ITGA2: variants seen among roughly 807,000 people sequenced by gnomAD.
The protein encoded by ITGA2 is integrin alpha-2.
Under a neutral mutation model 146.3 loss-of-function variants are expected in ITGA2, and 101 were observed. The ratio of observed to expected loss-of-function variants is 0.69; its 90% CI spans 0.59 to 0.81. ITGA2 has a LOEUF of 0.81. Among genes scored for constraint, ITGA2 ranks in the 40% least tolerant of loss-of-function variants. ITGA2 has a pLI of 0.00. For synonymous variants in ITGA2, 477 were observed against 487.1 expected, an observed-to-expected ratio of 0.98 and a Z score of 0.27; for missense variants, 1,281 against 1,402.7, an observed-to-expected ratio of 0.91 and a Z score of 1.39.
Position 53,091,972 on chromosome 5 carries a change from C to A in ITGA2, c.*1373C>A, listed in dbSNP as rs1036646813. 16 of 152,146 alleles carry A rather than the reference C, an allele frequency of 1.1e-4. No homozygotes were observed. Among genetic ancestry groups the A allele is most frequent in the African/African-American group, 3.9e-4 (16 of 41,430 alleles). 9.4% of individuals were successfully genotyped at this position (152,146 alleles called of 1,614,324 possible). Reference sequence around the variant, plus strand: ...TAAACTTCCACAAGAGTGAATTTGACCTAGGCAAGTTTGTTCAAAAGGTAG... The same window carrying A: ...TAAACTTCCACAAGAGTGAATTTGAACTAGGCAAGTTTGTTCAAAAGGTAG... On this transcript the variant is annotated 3_prime_UTR_variant, in exon 30 of 30. Transcript: ENST00000296585.
intron 1 of ITGA2, among the ~76,000 whole-genome samples, chr5:53,001,703 C>A (rs1322224218): frequency 2.6e-5 from 4 of 151,634 alleles, no homozygotes; most frequent in Non-Finnish European, 4.4e-5. Flanking sequence ...AGCCAGGAAT[C>A]GTGCTGCATG....
chr5:53,083,417 T>C lies in ITGA2; in HGVS notation c.3222T>C (p.Asn1074=). 2 of 1,612,518 alleles carry C rather than the reference T, an allele frequency of 1.2e-6. No homozygotes were observed. Among genetic ancestry groups the C allele is most frequent in the South Asian group, 1.1e-5 (1 of 91,052 alleles). ...DVHMKGEYFV[N]VTTRIWNGTF... is the part of the protein sequence containing the mutation. ...ACATGAAAGGAGAATACTTTGTTAA[T>C]GTGACTACCAGAATTTGGAACGGGA... Residue 1074 remains asparagine (N), a synonymous_variant, in exon 27 of 30, where the codon AAT becomes AAC. Transcript: ENST00000296585.
At chr5:53,082,652 C>T (rs957006411) in intron 26 of ITGA2, among the ~76,000 whole-genome samples, 36 of 152,208 alleles carry the variant, frequency 2.4e-4, no homozygotes, top group Admixed American at 1.6e-3. Context: ...TTGCCACAAT[C>T]GATGAAACTA....
intron 27 of ITGA2, among the ~76,000 whole-genome samples, chr5:53,085,270 A>T (rs953408382): frequency 2.0e-5 from 3 of 152,162 alleles, no homozygotes; most frequent in Non-Finnish European, 4.4e-5. Flanking sequence ...AAGTAATTTC[A>T]TTACAAAGTG....
At chr5:53,051,148 A>C (rs1361685270) in intron 6 of ITGA2, among the ~76,000 whole-genome samples, 1 of 152,210 alleles carries the variant, frequency 6.6e-6, no homozygotes, top group Non-Finnish European at 1.5e-5. Context: ...TAAAAACTAC[A>C]AATATTACTC....
chr5:53,026,607 T>C (rs1334726285), intron 1 of ITGA2, 141 bp from the exon 2 acceptor site: 1 of 724,410 alleles, frequency 1.4e-6, no homozygotes, highest in East Asian at 2.7e-5. Context: ...TAAAAAGCAG[T>C]AGTTATTTTT....
chr5:53,046,481 G>A (rs1744093718), intron 4 of ITGA2, among the ~76,000 whole-genome samples: 2 of 151,662 alleles, frequency 1.3e-5, no homozygotes, highest in Admixed American at 6.6e-5. Flanking sequence ...GATATTCCAA[G>A]GTCTTTACAA....
Position 53,071,952 on chromosome 5 carries a change from T to C in ITGA2, c.2250T>C (p.Val750=). 1 of 1,612,158 alleles carries C rather than the reference T, an allele frequency of 6.2e-7. No homozygotes were observed. The highest frequency in any genetic ancestry group is 1.1e-5 in the South Asian group (1 of 91,054). The change falls in exon 18 of 30, where the codon GTT becomes GTC. Residue 750 remains valine (V), a synonymous_variant. Coordinates refer to ENST00000296585, the MANE Select transcript of ITGA2 (RefSeq NM_002203.4). ...TGTATGTTTAGGAGCCCTCTGATGT[T>C]GTCAACTCTTTGGATTTGCGTGTGG... ...HIIYIQEPSD[V]VNSLDLRVDI...
chr5:53,061,769 A>C (rs1482254699), intron 12 of ITGA2, among the ~76,000 whole-genome samples: 1 of 151,906 alleles, frequency 6.6e-6, no homozygotes, highest in Non-Finnish European at 1.5e-5. Context: ...CCTGACAACC[A>C]ACAAAAAGTG....
intron 2 of ITGA2, among the ~76,000 whole-genome samples, chr5:53,037,180 C>T (rs920087095): frequency 6.6e-6 from 1 of 152,220 alleles, no homozygotes; most frequent in Non-Finnish European, 1.5e-5. Context: ...TGGAGGTAGG[C>T]AAATTGGCTG....
At chr5:53,051,995 G>A (rs889578222) in intron 7 of ITGA2, among the ~76,000 whole-genome samples, 24 of 152,048 alleles carry the variant, frequency 1.6e-4, no homozygotes, top group African/African-American at 5.8e-4. Context: ...CAATCAGTGG[G>A]AAATGTGAAA....
intron 15 of ITGA2, 59 bp from the exon 16 acceptor site, chr5:53,067,059 A>T: frequency 1.3e-6 from 2 of 1,560,342 alleles, no homozygotes; most frequent in Non-Finnish European, 1.8e-6. Flanking sequence ...ATGATAAAGG[A>T]TATAATACGT....
intron 1 of ITGA2, among the ~76,000 whole-genome samples, chr5:53,011,214 GGCC>G (rs1241509463): frequency 2.6e-5 from 4 of 151,994 alleles, no homozygotes; most frequent in Non-Finnish European, 5.9e-5. Flanking sequence ...CATATAGAGG[GGCC>G]AGAGACCCAT....
intron 26 of ITGA2, among the ~76,000 whole-genome samples, chr5:53,082,522 C>A (rs1415948445): frequency 6.6e-6 from 1 of 152,132 alleles, no homozygotes; most frequent in African/African-American, 2.4e-5. Flanking sequence ...TTAATGACTT[C>A]ATTTTTTAAT....
chr5:53,051,660 A>G (rs1440794211), intron 7 of ITGA2, 101 bp downstream of exon 7: 2 of 1,156,364 alleles, frequency 1.7e-6, no homozygotes, highest in Non-Finnish European at 2.5e-6. Context: ...AAAATAATAT[A>G]CCTGGTACCT....
In ITGA2 at chr5:53,065,946, A is replaced by G. The variant is rs368964550; in HGVS notation, c.1912A>G (p.Ile638Val). ...LNGDSITDVS[I>V]GAFGQVVQLW... ...TGGGGATTCCATCACCGATGTGTCTATTGGTGCCTTTGGACAAGTGGTTCA... is the reference window on the plus strand; with the variant it reads ...TGGGGATTCCATCACCGATGTGTCTGTTGGTGCCTTTGGACAAGTGGTTCA... The change falls in exon 15 of 30, where the codon ATT becomes GTT. Residue 638 changes from isoleucine to valine, a missense_variant. By Grantham distance (29) the Ile-to-Val change is conservative. This residue lies in a region of ITGA2 where 795 missense variants were observed against 841.7 expected (regional missense o/e 0.94). Transcript: ENST00000296585. 32 of 1,611,964 alleles carry G rather than the reference A, an allele frequency of 2.0e-5. No individual in the cohort carries two copies. The highest frequency in any genetic ancestry group is 1.6e-4 in the Middle Eastern group (1 of 6,068).
intron 27 of ITGA2, among the ~76,000 whole-genome samples, chr5:53,084,658 G>A (rs1456283526): frequency 2.0e-5 from 3 of 150,802 alleles, no homozygotes; most frequent in East Asian, 1.9e-4. Context: ...CCTTTAAGAC[G>A]TGAAGCGTGC....
intron 23 of ITGA2, 53 bp from the exon 24 acceptor site, chr5:53,078,719 T>C (rs1157447648): frequency 6.7e-6 from 7 of 1,051,568 alleles, no homozygotes; most frequent in African/African-American, 4.7e-5. Flanking sequence ...AATATTAACC[T>C]TCAAGAACAA....
At chr5:53,042,613 A>G (rs1319054102) in intron 3 of ITGA2, among the ~76,000 whole-genome samples, 1 of 152,154 alleles carries the variant, frequency 6.6e-6, no homozygotes, top group African/African-American at 2.4e-5. Context: ...GGAGGCACCA[A>G]AAACACTCTG....
Sources: gnomAD v4.1 joint callset for allele counts (sites outside exome capture counted in the v4.1 genomes callset) on GRCh38, gnomAD v4.1.1 for gene constraint, gnomAD v4.1.1 regional missense constraint, MANE v1.5 for transcripts, NCBI Gene and HGNC (gene_info 2026-07-23, HGNC 2026-07-21) for gene names.